SCHIP1: variants seen among roughly 807,000 people sequenced by gnomAD.
SCHIP1 encodes the protein schwannomin interacting protein 1.
A neutral mutation model predicts 29.7 loss-of-function variants in SCHIP1; 8 were observed. The observed-to-expected ratio is 0.27, with a 90% CI of 0.16 to 0.49. SCHIP1 has a LOEUF of 0.49. SCHIP1 is among the 20% of genes least tolerant of loss of function. SCHIP1 has a pLI of 0.99. For synonymous variants in SCHIP1, 76 were observed against 94.9 expected, an observed-to-expected ratio of 0.80 and a Z score of 1.16; for missense variants, 193 against 294.6, an observed-to-expected ratio of 0.66 and a Z score of 2.52.
At chr3:159,804,434 T>C in the SCHIP1 span, among the ~76,000 whole-genome samples, 1 of 152,292 alleles carries the variant, frequency 6.6e-6, no homozygotes, top group South Asian at 2.1e-4. Context: ...ATGGAACAAA[T>C]TAATAAAAAG....
At chr3:159,567,042 C>T in the SCHIP1 span, among the ~76,000 whole-genome samples, 15,748 of 152,084 alleles carry the variant, frequency 0.1, 912 homozygotes, top group East Asian at 0.21. Context: ...TGGTATCTAT[C>T]ACAGTTTCAA....
the SCHIP1 span, among the ~76,000 whole-genome samples, chr3:159,398,088 C>T: frequency 1.3e-5 from 2 of 152,160 alleles, no homozygotes; most frequent in Non-Finnish European, 2.9e-5. Flanking sequence ...ACCCGATTTT[C>T]CAGGTGCCAT....
chr3:159,443,032 C>G, the SCHIP1 span, among the ~76,000 whole-genome samples: 1 of 152,284 alleles, frequency 6.6e-6, no homozygotes, highest in South Asian at 2.1e-4. Context: ...ACTTGGAAGT[C>G]ATGCTTATCA....
chr3:159,500,712 C>CA, the SCHIP1 span, among the ~76,000 whole-genome samples: 8,574 of 128,994 alleles, frequency 0.066, 618 homozygotes, highest in African/African-American at 0.2. Context: ...GACTCTGTCT[C>CA]AAAAAAAAAA....
chr3:159,787,291 G>C, the SCHIP1 span, among the ~76,000 whole-genome samples: 63 of 152,294 alleles, frequency 4.1e-4, no homozygotes, highest in African/African-American at 1.3e-3. Context: ...GTTTGGTTTA[G>C]GTGTTGGTTG....
the SCHIP1 span, among the ~76,000 whole-genome samples, chr3:159,299,050 C>G: frequency 6.7e-6 from 1 of 150,084 alleles, no homozygotes. Flanking sequence ...TTTACCTTCT[C>G]ATAATACAAA....
chr3:159,780,447 A>G, the SCHIP1 span, among the ~76,000 whole-genome samples: 1 of 152,238 alleles, frequency 6.6e-6, no homozygotes, highest in Non-Finnish European at 1.5e-5. Flanking sequence ...AGTTCAAACC[A>G]TGACAGTTGA....
chr3:159,476,261 A>C, the SCHIP1 span, among the ~76,000 whole-genome samples: 1 of 152,210 alleles, frequency 6.6e-6, no homozygotes, highest in Non-Finnish European at 1.5e-5. Flanking sequence ...ATTGTATTGT[A>C]CTCACTAGCA....
At chr3:159,764,724 C>G in the SCHIP1 span, 5 of 1,574,300 alleles carry the variant, frequency 3.2e-6, no homozygotes, top group Non-Finnish European at 4.3e-6. The surrounding 1 kb of genome is among the most constrained non-coding windows in gnomAD (Gnocchi z 6.1). Flanking sequence ...ACCGGGATGA[C>G]CGCTCTCCGG....
chr3:159,494,630 A>G, the SCHIP1 span, among the ~76,000 whole-genome samples: 3 of 152,300 alleles, frequency 2.0e-5, 1 homozygote, highest in African/African-American at 7.2e-5. Flanking sequence ...CTGACCAAAA[A>G]AAGTCCAGGA....
At chr3:159,494,000 C>T in the SCHIP1 span, among the ~76,000 whole-genome samples, 1 of 152,130 alleles carries the variant, frequency 6.6e-6, no homozygotes, top group East Asian at 1.9e-4. Context: ...TCCTGAATGA[C>T]TACTGGGTAC....
intron 2 of SCHIP1, among the ~76,000 whole-genome samples, chr3:159,867,536 G>A (rs1018516583): frequency 6.6e-6 from 1 of 152,176 alleles, no homozygotes; most frequent in Non-Finnish European, 1.5e-5. Context: ...CAAGACAAGA[G>A]TGCCAGTTTC....
chr3:159,761,439 A>G, the SCHIP1 span, among the ~76,000 whole-genome samples: 5 of 152,234 alleles, frequency 3.3e-5, no homozygotes, highest in African/African-American at 9.6e-5. Flanking sequence ...GAAAGCTCCA[A>G]GCTCCTAACT....
the SCHIP1 span, among the ~76,000 whole-genome samples, chr3:159,356,696 G>T: frequency 6.6e-6 from 1 of 152,190 alleles, no homozygotes; most frequent in African/African-American, 2.4e-5. Flanking sequence ...AAAGAGTTAA[G>T]CATCCAAAGA....
At chr3:159,418,177 T>A in the SCHIP1 span, among the ~76,000 whole-genome samples, 2 of 152,212 alleles carry the variant, frequency 1.3e-5, no homozygotes, top group Non-Finnish European at 2.9e-5. Context: ...TTGTTTTCAC[T>A]AACTGCAAAA....
the SCHIP1 span, among the ~76,000 whole-genome samples, chr3:159,428,475 G>A: frequency 1.3e-5 from 2 of 152,284 alleles, no homozygotes; most frequent in East Asian, 1.9e-4. Context: ...TCATAGAAAC[G>A]CAAATCAAAA....
chr3:159,437,660 A>G, the SCHIP1 span, among the ~76,000 whole-genome samples: 3 of 151,850 alleles, frequency 2.0e-5, no homozygotes, highest in African/African-American at 7.3e-5. Context: ...CATCTTGCTA[A>G]GGGAATTCAA....
At chr3:159,740,310 C>A in the SCHIP1 span, among the ~76,000 whole-genome samples, 1 of 152,210 alleles carries the variant, frequency 6.6e-6, no homozygotes, top group South Asian at 2.1e-4. Flanking sequence ...AATGGTTCCA[C>A]TGAGTGGTAG....
At chr3:159,449,444 C>CA in the SCHIP1 span, among the ~76,000 whole-genome samples, 3 of 152,106 alleles carry the variant, frequency 2.0e-5, no homozygotes, top group Non-Finnish European at 4.4e-5. Flanking sequence ...TGCCTTGTTG[C>CA]AAGTGAGGCT....
Sources: allele counts gnomAD v4.1 joint callset (sites outside exome capture counted in the v4.1 genomes callset), GRCh38; gene constraint gnomAD v4.1.1; non-coding constraint Gnocchi (gnomAD v3.1); transcripts MANE v1.5; gene names NCBI Gene and HGNC (gene_info 2026-07-23, HGNC 2026-07-21).